The following ADAM9 variants were observed in gnomAD, a reference collection of about 807,000 sequenced individuals.
ADAM9 encodes ADAM metallopeptidase domain 9, also known as disintegrin and metalloproteinase domain-containing protein 9.
A neutral mutation model predicts 108.1 loss-of-function variants in ADAM9; 54 were observed. The observed-to-expected ratio is 0.50, with a 90% CI of 0.40 to 0.63. The LOEUF is 0.63. Ranked by LOEUF, ADAM9 falls within the 20% of genes least tolerant of loss-of-function variation. The probability of loss-of-function intolerance (pLI) is 0.00; values close to 1 mark genes in which losing one functional copy is unlikely to be tolerated. For synonymous variants in ADAM9, 316 were observed against 336.0 expected, an observed-to-expected ratio of 0.94 and a Z score of 0.65; for missense variants, 830 against 997.7, an observed-to-expected ratio of 0.83 and a Z score of 2.26.
chr8:39,080,177 C>T (rs1473579661), intron 16 of ADAM9, among the ~76,000 whole-genome samples: 3 of 57,992 alleles, frequency 5.2e-5, no homozygotes, highest in Non-Finnish European at 9.4e-5. Flanking sequence ...TGCTTGTTTA[C>T]TTAATAACAA....
chr8:39,095,665 T>C (rs1296095094), intron 20 of ADAM9, among the ~76,000 whole-genome samples: 1 of 152,200 alleles, frequency 6.6e-6, no homozygotes, highest in African/African-American at 2.4e-5. Flanking sequence ...TTGAGCCAAA[T>C]GTTTTCTTAC....
At chr8:39,053,735 G>A (rs1307411152) in intron 12 of ADAM9, among the ~76,000 whole-genome samples, 2 of 152,124 alleles carry the variant, frequency 1.3e-5, no homozygotes, top group African/African-American at 4.8e-5. Flanking sequence ...CCAGAGTATA[G>A]TGAGAGAAGC....
chr8:39,043,062 C>T (rs1837501763), intron 12 of ADAM9, among the ~76,000 whole-genome samples: 1 of 152,126 alleles, frequency 6.6e-6, no homozygotes, highest in Admixed American at 6.5e-5. Context: ...ATTGTATACT[C>T]AAGTTTCATC....
At chr8:39,001,917 C>T (rs746203478) in intron 1 of ADAM9, among the ~76,000 whole-genome samples, 75 of 151,864 alleles carry the variant, frequency 4.9e-4, no homozygotes, top group Non-Finnish European at 1.0e-3. Context: ...ATCCACCCGC[C>T]TCGGCCTCCC....
chr8:39,015,146 G>C (rs183158038), intron 4 of ADAM9: 1 of 152,326 alleles, frequency 6.6e-6, no homozygotes, highest in Non-Finnish European at 1.5e-5. Context: ...CACTGTTTGG[G>C]CTTGAGTTTT....
chr8:39,059,475 G>A (rs945264095), intron 14 of ADAM9, among the ~76,000 whole-genome samples: 2 of 152,252 alleles, frequency 1.3e-5, no homozygotes, highest in South Asian at 2.1e-4. Context: ...CCCACGCATC[G>A]CCTCCAACCC....
At chr8:39,102,196 C>T (rs1243770836) in intron 21 of ADAM9, among the ~76,000 whole-genome samples, 1 of 152,078 alleles carries the variant, frequency 6.6e-6, no homozygotes, top group Non-Finnish European at 1.5e-5. Flanking sequence ...GAAGCAAGGG[C>T]CTTTGAGATA....
At chr8:39,099,875 G>GTTTT (rs111740274) in intron 20 of ADAM9, among the ~76,000 whole-genome samples, 78 of 89,492 alleles carry the variant, frequency 8.7e-4, no homozygotes, top group African/African-American at 3.1e-3. Flanking sequence ...TATCGTGTTT[G>GTTTT]TTTTTTTTTT....
chr8:39,013,507 T>C (rs573652293), intron 3 of ADAM9, among the ~76,000 whole-genome samples: 201 of 121,336 alleles, frequency 1.7e-3, no homozygotes, highest in Non-Finnish European at 3.0e-3. Context: ...TTTTTCTCCT[T>C]TTTTTTTTTT....
At chr8:39,083,140 T>A in intron 18 of ADAM9, 67 bp downstream of exon 18, 1 of 1,146,052 alleles carries the variant, frequency 8.7e-7, no homozygotes, top group Non-Finnish European at 1.3e-6. Flanking sequence ...GGCATCCTCG[T>A]ACCTCTCCCT....
intron 9 of ADAM9, among the ~76,000 whole-genome samples, chr8:39,025,450 A>G (rs1328423839): frequency 6.6e-6 from 1 of 152,138 alleles, no homozygotes; most frequent in Non-Finnish European, 1.5e-5. Flanking sequence ...GCCCGTGTAA[A>G]CATATTCATT....
At chr8:39,008,163 C>A (rs930584142) in intron 2 of ADAM9, among the ~76,000 whole-genome samples, 180 bp downstream of exon 2, 1 of 146,164 alleles carries the variant, frequency 6.8e-6, no homozygotes, top group Non-Finnish European at 1.5e-5. Flanking sequence ...ACATATTGAG[C>A]CTTAATATCC....
intron 11 of ADAM9, among the ~76,000 whole-genome samples, chr8:39,027,770 A>G (rs2129434542): frequency 6.6e-6 from 1 of 151,926 alleles, no homozygotes; most frequent in Non-Finnish European, 1.5e-5. Context: ...TGAAAATTAG[A>G]TATGAGAGGT....
chr8:39,010,343 C>T (rs1382234007), intron 2 of ADAM9, among the ~76,000 whole-genome samples: 2 of 152,070 alleles, frequency 1.3e-5, no homozygotes, highest in African/African-American at 4.8e-5. Flanking sequence ...TTTTGCTGGC[C>T]CACTGGAGAC....
intron 7 of ADAM9, 49 bp from the exon 8 acceptor site, chr8:39,021,594 A>C (rs767738912): frequency 6.5e-7 from 1 of 1,544,876 alleles, no homozygotes; most frequent in South Asian, 1.1e-5. Context: ...TTACATTTCT[A>C]TTCTTAAAGT....
chr8:39,067,602 C>G (rs541922444), intron 14 of ADAM9, among the ~76,000 whole-genome samples: 22 of 152,284 alleles, frequency 1.4e-4, no homozygotes, highest in East Asian at 9.6e-4. Context: ...TTTGTATCCT[C>G]AGACTTTGCT....
At chr8:39,024,115 A>G (rs1292538381) in intron 9 of ADAM9, among the ~76,000 whole-genome samples, 3 of 152,110 alleles carry the variant, frequency 2.0e-5, no homozygotes, top group Non-Finnish European at 4.4e-5. Context: ...TCCCAGCATT[A>G]CTATTGGGAA....
At chr8:39,065,124 T>A (rs566209030) in intron 14 of ADAM9, among the ~76,000 whole-genome samples, 8 of 152,264 alleles carry the variant, frequency 5.3e-5, no homozygotes, top group African/African-American at 1.7e-4. Flanking sequence ...TCACATATTA[T>A]TTGGATATTG....
intron 12 of ADAM9, among the ~76,000 whole-genome samples, chr8:39,042,822 T>C (rs1191207669): frequency 6.6e-6 from 1 of 152,180 alleles, no homozygotes; most frequent in Non-Finnish European, 1.5e-5. Context: ...AGTACAGTAT[T>C]GTTAACTCTG....
Sources: allele counts gnomAD v4.1 joint callset (sites outside exome capture counted in the v4.1 genomes callset), GRCh38; gene constraint gnomAD v4.1.1; transcripts MANE v1.5; gene names NCBI Gene and HGNC (gene_info 2026-07-23, HGNC 2026-07-21).